Variants in PBX1 observed in about 807,000 individuals in gnomAD.
The protein encoded by PBX1 is PBX homeobox 1.
PBX1 carries 6 observed loss-of-function variants against 53.4 expected under a neutral mutation model. The observed-to-expected ratio is 0.11, with a 90% CI of 0.06 to 0.22. PBX1 has a LOEUF of 0.22. PBX1 is among the 10% of genes least tolerant of loss of function. The pLI, the probability that PBX1 is intolerant of heterozygous loss-of-function variation, is 1.00. For synonymous variants in PBX1, 204 were observed against 212.3 expected, an observed-to-expected ratio of 0.96 and a Z score of 0.34; for missense variants, 251 against 551.4, an observed-to-expected ratio of 0.46 and a Z score of 5.46.
chr1:164,848,616 T>C lies in PBX1; in HGVS notation c.*1940T>C. The C allele has an allele frequency of 6.6e-6, 7 of 1,056,996 alleles. No homozygotes were observed. The highest frequency in any genetic ancestry group is 8.0e-6 in the Non-Finnish European group (7 of 874,172). The allele number at this position is 1,056,996 out of a possible 1,614,324, so 65.5% of individuals were successfully genotyped here. A position where few individuals can be genotyped will look rare whatever the true frequency, so the allele number is the denominator to read the frequency against. ...CTTGGTTTTGGTCTGTCTCTTTTCT[T>C]AGGATAAAGAAAAACTTCCAAACTA... is the stretch of plus-strand genomic sequence containing the variant. On this transcript the variant is annotated 3_prime_UTR_variant, in exon 9 of 9. Transcript: ENST00000420696.
At chr1:164,713,243 G>A (rs1663902917) in intron 2 of PBX1, among the ~76,000 whole-genome samples, 1 of 152,148 alleles carries the variant, frequency 6.6e-6, no homozygotes, top group African/African-American at 2.4e-5. Flanking sequence ...ATAGAGAAAA[G>A]CCAAACCTGT....
At chr1:164,733,395 C>G (rs1477943176) in intron 2 of PBX1, among the ~76,000 whole-genome samples, 1 of 152,080 alleles carries the variant, frequency 6.6e-6, no homozygotes, top group East Asian at 1.9e-4. Flanking sequence ...TGTGAACCAC[C>G]AAGGGTACAT....
chr1:164,652,472 A>G (rs2101925784), intron 2 of PBX1, among the ~76,000 whole-genome samples: 1 of 152,264 alleles, frequency 6.6e-6, no homozygotes, highest in Non-Finnish European at 1.5e-5. Flanking sequence ...GGAGATGACC[A>G]TTAATAGATT....
chr1:164,880,249 A>G (rs951987814), intron 2 of PBX1, among the ~76,000 whole-genome samples: 4 of 152,144 alleles, frequency 2.6e-5, no homozygotes, highest in African/African-American at 2.4e-5. Flanking sequence ...GATGCTAGGG[A>G]CACAGAGAGG....
In PBX1 at chr1:164,723,312, GCTAA is replaced by G. The variant is rs1319844977; in HGVS notation, c.266-69179_266-69176del. 5.3e-5 allele frequency among the ~76,000 whole-genome samples: 8 copies of G among 152,214 alleles called. No individual in the cohort carries two copies. The South Asian group carries it at 1.5e-3, about 28-fold the overall frequency. ...GGCACAGTGCAGAGGAGTTTCTTGG[GCTAA>G]CTCTTTAGAGGCTTATGCTCCACTC... On this transcript the variant is annotated intron_variant, in intron 2 of 8. Coordinates refer to ENST00000420696, the MANE Select transcript of PBX1 (RefSeq NM_002585.4).
chr1:164,820,025 A>G lies in PBX1; in HGVS notation c.998-47A>G, dbSNP rs201350815. The G allele has an allele frequency of 1.2e-4, 143 of 1,190,332 alleles. No homozygotes were observed. In the African/African-American group the frequency reaches 2.0e-3, roughly 17 times the overall value. 73.7% of individuals were successfully genotyped at this position (1,190,332 alleles called of 1,614,324 possible). ...TCTTGGCTGTTAGTTGCGGGGTTTG[A>G]GCCTTTTCCTTTCTGTGATTCAGGT... On this transcript the variant is annotated intron_variant, in intron 6 of 8. Transcript: ENST00000420696.
At chr1:164,803,748 TC>T (rs1243897762) in intron 4 of PBX1, among the ~76,000 whole-genome samples, 1 of 152,170 alleles carries the variant, frequency 6.6e-6, no homozygotes, top group Non-Finnish European at 1.5e-5. Context: ...TTTGAATTTA[TC>T]CTATTAAACA....
At chr1:164,845,688 T>C (rs1315266633) in intron 8 of PBX1, among the ~76,000 whole-genome samples, 1 of 152,194 alleles carries the variant, frequency 6.6e-6, no homozygotes, top group Non-Finnish European at 1.5e-5. Context: ...TAGAACAGTT[T>C]TAACAGTTTT....
chr1:164,764,500 A>T (rs1159769068), intron 2 of PBX1, among the ~76,000 whole-genome samples: 2 of 152,182 alleles, frequency 1.3e-5, no homozygotes, highest in African/African-American at 4.8e-5. Context: ...TGACCACATT[A>T]CTCATAAGTG....
intron 2 of PBX1, among the ~76,000 whole-genome samples, chr1:164,628,709 T>C (rs925656353): frequency 1.6e-4 from 24 of 152,210 alleles, no homozygotes; most frequent in Non-Finnish European, 1.0e-4. Context: ...AGGTCCTTTA[T>C]ATCTGTATCT....
chr1:164,576,892 G>C (rs1183813382), intron 2 of PBX1: 2 of 152,294 alleles, frequency 1.3e-5, no homozygotes, highest in Non-Finnish European at 2.9e-5. Flanking sequence ...CTGTTCCGTG[G>C]GGCCCGCTGG....
At chr1:164,667,749 T>C (rs1313843036) in intron 2 of PBX1, among the ~76,000 whole-genome samples, 3 of 152,230 alleles carry the variant, frequency 2.0e-5, no homozygotes, top group East Asian at 3.8e-4. Flanking sequence ...GTGAGCCGTT[T>C]AGCTAGTGAG....
intron 2 of PBX1, among the ~76,000 whole-genome samples, chr1:164,778,700 A>G (rs1465170778): frequency 6.6e-6 from 1 of 152,108 alleles, no homozygotes; most frequent in Non-Finnish European, 1.5e-5. Flanking sequence ...GTGTGTCGTT[A>G]GTAGTTTTTC....
chr1:164,718,426 C>A (rs984448348), intron 2 of PBX1, among the ~76,000 whole-genome samples: 1 of 152,162 alleles, frequency 6.6e-6, no homozygotes, highest in Non-Finnish European at 1.5e-5. Context: ...GGTGGGGTGA[C>A]CTTCACTAAT....
intron 2 of PBX1, among the ~76,000 whole-genome samples, chr1:164,593,212 C>T (rs968139326): frequency 6.6e-6 from 1 of 152,136 alleles, no homozygotes; most frequent in African/African-American, 2.4e-5. Flanking sequence ...CCTGCCTCGG[C>T]CTTGCAAAGT....
chr1:164,751,357 C>T (rs1368076807), intron 2 of PBX1, among the ~76,000 whole-genome samples: 1 of 150,502 alleles, frequency 6.6e-6, no homozygotes, highest in Non-Finnish European at 1.5e-5. Context: ...TATTTACTCT[C>T]AGTCTTTTAT....
intron 5 of PBX1, among the ~76,000 whole-genome samples, chr1:164,810,145 C>G (rs1669536847): frequency 6.6e-6 from 1 of 152,166 alleles, no homozygotes; most frequent in South Asian, 2.1e-4. Flanking sequence ...TTCATCATGG[C>G]TCTGCCCAGA....
intron 2 of PBX1, among the ~76,000 whole-genome samples, chr1:164,569,848 A>G (rs1046770555): frequency 1.3e-5 from 2 of 152,116 alleles, no homozygotes. Flanking sequence ...GTAAGCCACC[A>G]TGCCTGGCCC....
chr1:164,626,927 C>T (rs780928507), intron 2 of PBX1, among the ~76,000 whole-genome samples: 2 of 152,240 alleles, frequency 1.3e-5, no homozygotes, highest in Non-Finnish European at 2.9e-5. Context: ...AAGATCAAAG[C>T]AGAGGAATAC....
Sources: gnomAD v4.1 joint callset for allele counts (sites outside exome capture counted in the v4.1 genomes callset) on GRCh38, gnomAD v4.1.1 for gene constraint, MANE v1.5 for transcripts, NCBI Gene and HGNC (gene_info 2026-07-23, HGNC 2026-07-21) for gene names.